The following IL20RA variants were observed in gnomAD, a reference collection of about 807,000 sequenced individuals.
IL20RA encodes interleukin-20 receptor subunit alpha.
A neutral mutation model predicts 36.5 loss-of-function variants in IL20RA; 29 were observed. The ratio of observed to expected loss-of-function variants is 0.79; its 90% CI spans 0.59 to 1.08. IL20RA has a LOEUF of 1.08. Ranked by LOEUF, IL20RA falls within the 50% of genes least tolerant of loss-of-function variation. IL20RA has a pLI of 0.00. For missense variants in IL20RA, 652 were observed against 668.4 expected (o/e 0.98, Z 0.27); for synonymous variants, 279 against 267.1 (o/e 1.04, Z -0.43).
chr6:137,019,229 T>C (rs1433932696), intron 1 of IL20RA, among the ~76,000 whole-genome samples: 1 of 151,968 alleles, frequency 6.6e-6, no homozygotes. Context: ...CAGGTTCAAA[T>C]GATTCTCTTG....
At chr6:137,023,504 C>T (rs1206360546) in intron 1 of IL20RA, among the ~76,000 whole-genome samples, 3 of 152,176 alleles carry the variant, frequency 2.0e-5, no homozygotes, top group Non-Finnish European at 2.9e-5. Flanking sequence ...TCAAATGGAT[C>T]ACTTCACTGC....
chr6:137,018,957 T>A (rs981741467), intron 1 of IL20RA, among the ~76,000 whole-genome samples: 2 of 152,162 alleles, frequency 1.3e-5, no homozygotes. Flanking sequence ...GTGGAAGACA[T>A]TGTCAAAACA....
Position 137,044,755 on chromosome 6 carries a change from G to A in IL20RA, c.-27C>T. ...GGCGGCGGGGCTGGGTCACATGTCG[G>A]GGGGCAGCAGACTGCTCAGTCCCAC... On this transcript the variant is annotated 5_prime_UTR_variant, in exon 1 of 7. Coordinates refer to ENST00000316649, the MANE Select transcript of IL20RA (RefSeq NM_014432.4). 8.2e-7 allele frequency: 1 copy of A among 1,212,416 alleles called. No homozygotes were observed. Among genetic ancestry groups the A allele is most frequent in the Non-Finnish European group, 1.0e-6 (1 of 975,694 alleles). 75.1% of individuals were successfully genotyped at this position (1,212,416 alleles called of 1,614,324 possible).
chr6:137,008,865 C>CCT (rs372659532), intron 4 of IL20RA, 122 bp from the exon 5 acceptor site: 5 of 142,100 alleles, frequency 3.5e-5, no homozygotes, highest in Non-Finnish European at 5.0e-5. Context: ...TCAGTATAAG[C>CCT]TTTTTTTTTT....
chr6:137,004,159 C>CGTTTTTTTTTTTTTTTT lies in IL20RA; in HGVS notation c.864+461_864+462insAAAAAAAAAAAAAAAAC, dbSNP rs531501235. Among the ~76,000 whole-genome samples, 14 of 88,012 alleles carry CGTTTTTTTTTTTTTTTT rather than the reference C, an allele frequency of 1.6e-4. 6 individuals carry two copies. Among genetic ancestry groups the CGTTTTTTTTTTTTTTTT allele is most frequent in the Non-Finnish European group, 1.8e-4 (9 of 49,120 alleles). The allele number at this position is 88,012 out of a possible 152,430, so 57.7% of individuals were successfully genotyped here. ...TCTGTTAGTCAGCTAATCCAGAAAG[C>CGTTTTTTTTTTTTTTTT]TTTTTTTTTTTTTTTTTTTTTTTTT... On this transcript the variant is annotated intron_variant, in intron 6 of 6. Transcript: ENST00000316649.
chr6:137,015,469 T>C (rs1441477963), intron 2 of IL20RA, among the ~76,000 whole-genome samples: 1 of 152,256 alleles, frequency 6.6e-6, no homozygotes, highest in African/African-American at 2.4e-5. Flanking sequence ...CTTACTTCCA[T>C]AGCAAAGCTT....
chr6:137,029,941 TA>T (rs5880328), intron 1 of IL20RA, among the ~76,000 whole-genome samples: 4 of 149,792 alleles, frequency 2.7e-5, no homozygotes, highest in African/African-American at 9.8e-5. Context: ...ATAGAAAAGG[TA>T]AAAAAAAATG....
chr6:137,037,758 C>A (rs55665027), intron 1 of IL20RA, among the ~76,000 whole-genome samples: 4,167 of 152,130 alleles, frequency 0.027, 190 homozygotes, highest in African/African-American at 0.095. Context: ...AGGCACCTAG[C>A]AGTTTTCTGG....
intron 6 of IL20RA, among the ~76,000 whole-genome samples, chr6:137,004,132 G>C (rs1302257514): frequency 7.4e-6 from 1 of 135,368 alleles, no homozygotes; most frequent in East Asian, 2.2e-4. Flanking sequence ...TAAGGAAAAT[G>C]TTCTGTTAGT....
chr6:137,014,705 C>T (rs1775618162), intron 2 of IL20RA, among the ~76,000 whole-genome samples: 1 of 152,050 alleles, frequency 6.6e-6, no homozygotes, highest in Admixed American at 6.5e-5. Context: ...ATAGTTCCCC[C>T]CCCCTTTTCC....
At chr6:137,013,421 T>C (rs1775564864) in intron 2 of IL20RA, among the ~76,000 whole-genome samples, 1 of 152,196 alleles carries the variant, frequency 6.6e-6, no homozygotes, top group South Asian at 2.1e-4. Flanking sequence ...CAAACAGCCA[T>C]ATGGGGCCCT....
chr6:137,019,253 A>G (rs1469268626), intron 1 of IL20RA, among the ~76,000 whole-genome samples: 13 of 151,968 alleles, frequency 8.6e-5, no homozygotes, highest in Admixed American at 8.5e-4. Context: ...CAGCCTCCCA[A>G]ATAGTTGGGA....
rs1357549385 is a variant in IL20RA at position 137,000,379 on chromosome 6, T to G, written c.*1179A>C. On this transcript the variant is annotated 3_prime_UTR_variant, in exon 7 of 7. Transcript: ENST00000316649. ...TTGTCAGATTAAAAACAGCCAAATA[T>G]CCACAATTATATATGGTTCAACTTA... is the stretch of plus-strand genomic sequence containing the variant. 1.3e-5 allele frequency: 2 copies of G among 152,178 alleles called. No individual in the cohort carries two copies. The highest frequency in any genetic ancestry group is 6.6e-5 in the Admixed American group (1 of 15,266). 9.4% of individuals were successfully genotyped at this position (152,178 alleles called of 1,614,324 possible).
chr6:137,017,339 G>A (rs1434298425), intron 1 of IL20RA, among the ~76,000 whole-genome samples: 1 of 152,182 alleles, frequency 6.6e-6, no homozygotes, highest in Non-Finnish European at 1.5e-5. Context: ...TAACTTGCTG[G>A]AGAGACCATG....
chr6:137,029,244 G>T (rs186626909), intron 1 of IL20RA, among the ~76,000 whole-genome samples: 79 of 152,262 alleles, frequency 5.2e-4, no homozygotes, highest in African/African-American at 1.8e-3. Flanking sequence ...ATGGTGGCTT[G>T]CACCTGTAAT....
rs191351545 is a variant in IL20RA, at chr6:137,036,657, C to T, written c.88+7984G>A. On this transcript the variant is annotated intron_variant, in intron 1 of 6. Coordinates refer to ENST00000316649, the MANE Select transcript of IL20RA (RefSeq NM_014432.4). ...CACGAAGAGGCACAGAATGGATTCT[C>T]CCTCACAGCCTTCAGAAAGAACCCA... Among the ~76,000 whole-genome samples the T allele has an allele frequency of 2.5e-3, 381 of 151,232 alleles. 1 individual carries two copies. Among genetic ancestry groups the T allele is most frequent in the Non-Finnish European group, 3.8e-3 (256 of 68,026 alleles).
At position 137,026,888 on chromosome 6, in the gene IL20RA, T is replaced by C. The variant is rs190904714; in HGVS notation, c.89-9785A>G. ...AAGTTCCCACAAAAAGTAAGTCTTC[T>C]TTTTTTTTTTGAGATGGAGTGTCAC... On this transcript the variant is annotated intron_variant, in intron 1 of 6. Coordinates refer to ENST00000316649, the MANE Select transcript of IL20RA (RefSeq NM_014432.4). 1.0e-3 allele frequency among the ~76,000 whole-genome samples: 149 copies of C among 147,110 alleles called. 2 individuals carry two copies. The highest frequency in any genetic ancestry group is 7.5e-5 in the Non-Finnish European group (5 of 66,324).
intron 4 of IL20RA, 91 bp downstream of exon 4, chr6:137,009,226 C>T (rs753216193): frequency 9.5e-7 from 1 of 1,052,210 alleles, no homozygotes. Flanking sequence ...CCCAGATTCA[C>T]ATGCAGAGAA....
At chr6:137,018,507 C>T (rs1022667680) in intron 1 of IL20RA, among the ~76,000 whole-genome samples, 5 of 89,238 alleles carry the variant, frequency 5.6e-5, no homozygotes, top group Non-Finnish European at 9.0e-5. Context: ...TGACCACTGC[C>T]GTGTGCGTGT....
Sources: gnomAD v4.1 joint callset for allele counts (sites outside exome capture counted in the v4.1 genomes callset) on GRCh38, gnomAD v4.1.1 for gene constraint, MANE v1.5 for transcripts, NCBI Gene and HGNC (gene_info 2026-07-23, HGNC 2026-07-21) for gene names.